ARHGAP20: variants seen among roughly 807,000 people sequenced by gnomAD.
ARHGAP20 encodes the protein rho GTPase-activating protein 20.
ARHGAP20 carries 34 observed loss-of-function variants against 73.7 expected under a neutral mutation model. The ratio of observed to expected loss-of-function variants is 0.46; its 90% CI spans 0.35 to 0.61. ARHGAP20 has a LOEUF of 0.61. ARHGAP20 is among the 20% of genes least tolerant of loss of function. The pLI is 0.00. For missense variants in ARHGAP20, 1,314 were observed against 1,420.9 expected (o/e 0.92, Z 1.21); for synonymous variants, 523 against 518.2 (o/e 1.01, Z -0.13).
At chr11:110,622,375 A>G (rs1239905596) in intron 4 of ARHGAP20, among the ~76,000 whole-genome samples, 1 of 152,230 alleles carries the variant, frequency 6.6e-6, no homozygotes, top group South Asian at 2.1e-4. Flanking sequence ...GATTTCCGTA[A>G]AAGTTACAAA....
intron 1 of ARHGAP20, among the ~76,000 whole-genome samples, chr11:110,696,675 T>C (rs1205208653): frequency 1.3e-5 from 2 of 151,648 alleles, no homozygotes; most frequent in South Asian, 4.1e-4. Flanking sequence ...ATTACCCAAA[T>C]AGTGAACATT....
intron 9 of ARHGAP20, among the ~76,000 whole-genome samples, chr11:110,598,407 G>C (rs556106741): frequency 1.3e-5 from 2 of 152,178 alleles, no homozygotes; most frequent in African/African-American, 4.8e-5. Flanking sequence ...TTTAATTCCA[G>C]AACTCTTCCA....
intron 2 of ARHGAP20, among the ~76,000 whole-genome samples, chr11:110,666,635 C>G (rs1456587211): frequency 6.6e-6 from 1 of 152,186 alleles, no homozygotes; most frequent in African/African-American, 2.4e-5. Context: ...AATCCTGCAT[C>G]AAGCAAGTCT....
At chr11:110,625,028 T>A (rs1323770533) in intron 3 of ARHGAP20, among the ~76,000 whole-genome samples, 142 of 114,188 alleles carry the variant, frequency 1.2e-3, no homozygotes, top group African/African-American at 6.4e-3. Flanking sequence ...TTATTTTTAT[T>A]TTTATTTTTT....
intron 1 of ARHGAP20, chr11:110,711,784 C>G: frequency 5.9e-6 from 8 of 1,348,866 alleles, no homozygotes; most frequent in Non-Finnish European, 7.6e-6. Context: ...GGCGAGGGGT[C>G]GGGGAAAGGC....
At chr11:110,627,334 C>G (rs917202990) in intron 3 of ARHGAP20, among the ~76,000 whole-genome samples, 1 of 152,154 alleles carries the variant, frequency 6.6e-6, no homozygotes, top group Non-Finnish European at 1.5e-5. Context: ...CTCAGGTGAT[C>G]TGTCTGCCTC....
chr11:110,689,506 CA>C lies in ARHGAP20; in HGVS notation c.188+1040del, dbSNP rs560305289. Among the ~76,000 whole-genome samples, 4 of 151,660 alleles carry C rather than the reference CA, an allele frequency of 2.6e-5. No individual in the cohort carries two copies. The South Asian group carries it at 6.3e-4, about 24-fold the overall frequency. The stretch of plus-strand genomic sequence containing the variant: ...AATAAATTAATGAATATTTGAATTT[CA>C]AAAAAATTAACGAATAAATTAATGA... On this transcript the variant is annotated intron_variant, in intron 2 of 14. Coordinates refer to ENST00000683387, the MANE Select transcript of ARHGAP20 (RefSeq NM_001384657.1).
intron 14 of ARHGAP20, among the ~76,000 whole-genome samples, chr11:110,582,029 TA>T (rs1229720176): frequency 6.6e-6 from 1 of 151,866 alleles, no homozygotes; most frequent in Non-Finnish European, 1.5e-5. Flanking sequence ...GGGTTATTCA[TA>T]AAGTTAAAAA....
chr11:110,615,345 T>C (rs950893761), intron 5 of ARHGAP20, among the ~76,000 whole-genome samples: 1 of 152,156 alleles, frequency 6.6e-6, no homozygotes, highest in African/African-American at 2.4e-5. Flanking sequence ...TTCTCCTTCC[T>C]AGAAAGTTAA....
intron 2 of ARHGAP20, among the ~76,000 whole-genome samples, chr11:110,659,233 CT>C (rs796079163): frequency 3.2e-4 from 45 of 138,700 alleles, no homozygotes; most frequent in African/African-American, 1.2e-3. Flanking sequence ...TGTTTCCTGA[CT>C]TTTTAATGAT....
In ARHGAP20 at chr11:110,578,042, A is replaced by C. The variant is rs758429180; in HGVS notation, c.*1328T>G. On this transcript the variant is annotated 3_prime_UTR_variant, in exon 15 of 15. Transcript: ENST00000683387. ...AGGTTAGTAGTTAATGTGAAAGAAG[A>C]TGCACATCCATTTTTAGTGCCATCC... 10 of 985,276 alleles carry C rather than the reference A, an allele frequency of 1.0e-5. No individual in the cohort carries two copies. The African/African-American group carries it at 1.7e-4, about 17-fold the overall frequency. 61.0% of individuals were successfully genotyped at this position (985,276 alleles called of 1,614,324 possible).
chr11:110,663,915 G>A (rs537397488), intron 2 of ARHGAP20, among the ~76,000 whole-genome samples: 1 of 152,242 alleles, frequency 6.6e-6, no homozygotes, highest in East Asian at 1.9e-4. Flanking sequence ...ACCAAGTGAA[G>A]TTTATCCCAA....
rs925736187 is a variant in ARHGAP20 at position 110,599,778 on chromosome 11, C to T, written c.964+6783G>A. Among the ~76,000 whole-genome samples, 15 of 151,942 alleles carry T rather than the reference C, an allele frequency of 9.9e-5. 1 individual carries two copies. The highest frequency in any genetic ancestry group is 1.6e-4 in the Non-Finnish European group (11 of 68,016). On this transcript the variant is annotated intron_variant, in intron 9 of 14. Coordinates refer to ENST00000683387, the MANE Select transcript of ARHGAP20 (RefSeq NM_001384657.1). ...CAGCTGCAGAGAGGACTACCCACTA[C>T]AGGGCCTCCTTTCTGCTGACAGCTG...
intron 3 of ARHGAP20, among the ~76,000 whole-genome samples, chr11:110,625,803 A>T (rs1361006179): frequency 6.6e-6 from 1 of 152,242 alleles, no homozygotes; most frequent in Non-Finnish European, 1.5e-5. Flanking sequence ...TCAGGAAAAC[A>T]TGGGTACTTC....
At chr11:110,676,829 A>ATTT (rs1565472565) in intron 2 of ARHGAP20, among the ~76,000 whole-genome samples, 15 of 150,444 alleles carry the variant, frequency 1.0e-4, no homozygotes, top group African/African-American at 3.5e-4. Context: ...TTTTTTTTTA[A>ATTT]AAAATTGACA....
At chr11:110,635,319 T>A (rs902887714) in intron 2 of ARHGAP20, among the ~76,000 whole-genome samples, 16 of 152,114 alleles carry the variant, frequency 1.1e-4, no homozygotes, top group African/African-American at 3.9e-4. Context: ...TTCCTCAGGT[T>A]TATTGAATCA....
intron 1 of ARHGAP20, among the ~76,000 whole-genome samples, chr11:110,702,278 C>CA (rs1315943944): frequency 2.6e-5 from 4 of 152,060 alleles, no homozygotes; most frequent in African/African-American, 9.7e-5. Context: ...GAACCAAAGA[C>CA]AAAAACCACA....
intron 1 of ARHGAP20, among the ~76,000 whole-genome samples, chr11:110,700,679 G>A (rs1353601548): frequency 1.3e-5 from 2 of 151,042 alleles, no homozygotes; most frequent in East Asian, 2.0e-4. Flanking sequence ...ATGCTGGTAT[G>A]CTGCACCCAC....
At chr11:110,712,068 C>T in intron 1 of ARHGAP20, 59 bp downstream of exon 1, 2 of 1,249,618 alleles carry the variant, frequency 1.6e-6, no homozygotes, top group Non-Finnish European at 2.0e-6. Context: ...GCGGAGGGCG[C>T]GCGCCGGCAG....
Sources: allele counts gnomAD v4.1 joint callset (sites outside exome capture counted in the v4.1 genomes callset), GRCh38; gene constraint gnomAD v4.1.1; transcripts MANE v1.5; gene names NCBI Gene and HGNC (gene_info 2026-07-23, HGNC 2026-07-21).